The following DLG2 variants were observed in gnomAD, a reference collection of about 807,000 sequenced individuals.
DLG2 encodes the protein discs large MAGUK scaffold protein 2, also known as disks large homolog 2.
A neutral mutation model predicts 132.5 loss-of-function variants in DLG2; 45 were observed. The ratio of observed to expected loss-of-function variants is 0.34; its 90% CI spans 0.27 to 0.44. The LOEUF is 0.44. Ranked by LOEUF, DLG2 falls within the 20% of genes least tolerant of loss-of-function variation. The probability of loss-of-function intolerance (pLI) is 1.00; values close to 1 mark genes in which losing one functional copy is unlikely to be tolerated. For missense variants in DLG2, 1,045 were observed against 1,196.9 expected (o/e 0.87, Z 1.87); for synonymous variants, 424 against 419.6 (o/e 1.01, Z -0.13).
chr11:85,106,104 G>A (rs1489902735), intron 6 of DLG2, among the ~76,000 whole-genome samples: 1 of 151,906 alleles, frequency 6.6e-6, no homozygotes, highest in Non-Finnish European at 1.5e-5. Context: ...GGCAGTCTGG[G>A]AGAGCATGCT....
intron 14 of DLG2, among the ~76,000 whole-genome samples, chr11:83,951,687 G>A (rs1055191812): frequency 1.3e-5 from 2 of 152,166 alleles, no homozygotes; most frequent in African/African-American, 4.8e-5. Context: ...AGGGAGTGGT[G>A]GGGGATGAGG....
intron 6 of DLG2, among the ~76,000 whole-genome samples, chr11:84,904,094 TCA>T (rs1361846829): frequency 6.6e-6 from 1 of 152,116 alleles, no homozygotes; most frequent in African/African-American, 2.4e-5. Flanking sequence ...ACAAAAGTAC[TCA>T]GTTTTAACAA....
intron 6 of DLG2, among the ~76,000 whole-genome samples, chr11:84,616,253 A>C (rs558023457): frequency 6.6e-6 from 1 of 152,216 alleles, no homozygotes; most frequent in South Asian, 2.1e-4. Flanking sequence ...TTGTAGTTAC[A>C]GATAACCTAA....
At chr11:83,769,611 T>A (rs889441463) in intron 18 of DLG2, among the ~76,000 whole-genome samples, 1 of 150,324 alleles carries the variant, frequency 6.7e-6, no homozygotes. Flanking sequence ...TCGCCCAGGC[T>A]GGAGTGCAAT....
At chr11:84,667,663 A>T (rs1346556086) in intron 6 of DLG2, among the ~76,000 whole-genome samples, 2 of 151,278 alleles carry the variant, frequency 1.3e-5, no homozygotes, top group African/African-American at 4.9e-5. Context: ...CGCCTAGCTA[A>T]TTTTTTTGTA....
chr11:85,147,612 A>T (rs946183921), intron 5 of DLG2, among the ~76,000 whole-genome samples: 4 of 152,218 alleles, frequency 2.6e-5, no homozygotes, highest in African/African-American at 9.7e-5. Flanking sequence ...TATGCATAAT[A>T]TCATTAAGTA....
At chr11:84,434,667 T>G (rs2098995122) in intron 7 of DLG2, among the ~76,000 whole-genome samples, 1 of 152,130 alleles carries the variant, frequency 6.6e-6, no homozygotes, top group Non-Finnish European at 1.5e-5. Context: ...GTGAGCATTA[T>G]GATGGTCATT....
At position 85,519,550 on chromosome 11, in the gene DLG2, A is replaced by G. The variant is rs914476060; in HGVS notation, c.40+79107T>C. On this transcript the variant is annotated intron_variant, in intron 3 of 27. Transcript: ENST00000376104. ...GTAACTAGCTTGCTTTTGATTTTAC[A>G]TACTCATAGGCAGAAGGGACTTGCC... 4.5e-4 allele frequency among the ~76,000 whole-genome samples: 68 copies of G among 152,298 alleles called. 1 individual carries two copies. Among genetic ancestry groups the G allele is most frequent in the African/African-American group, 1.6e-3 (67 of 41,578 alleles).
intron 19 of DLG2, among the ~76,000 whole-genome samples, chr11:83,557,963 C>CAGTT (rs1031599818): frequency 6.6e-6 from 1 of 152,082 alleles, no homozygotes; most frequent in African/African-American, 2.4e-5. Flanking sequence ...TTTATTTAAT[C>CAGTT]AGTTAGAGAA....
intron 9 of DLG2, among the ~76,000 whole-genome samples, chr11:84,141,375 T>C (rs1596007733): frequency 6.6e-6 from 1 of 151,926 alleles, no homozygotes; most frequent in Non-Finnish European, 1.5e-5. Flanking sequence ...AATGAAAATG[T>C]ATAGACATAT....
intron 2 of DLG2, among the ~76,000 whole-genome samples, chr11:85,604,715 A>G (rs1565748963): frequency 6.6e-6 from 1 of 152,182 alleles, no homozygotes; most frequent in Non-Finnish European, 1.5e-5. Context: ...TTTTTAAAAT[A>G]AGAAATTTTT....
rs542719235 is a variant in DLG2, at chr11:84,681,760, C to T, written c.358-147029G>A. Among the ~76,000 whole-genome samples, 104 of 151,964 alleles carry T rather than the reference C, an allele frequency of 6.8e-4. 1 individual carries two copies. The Middle Eastern group carries it at 0.01, about 15-fold the overall frequency. On this transcript the variant is annotated intron_variant, in intron 6 of 27. Coordinates refer to ENST00000376104, the MANE Select transcript of DLG2 (RefSeq NM_001142699.3). ...AGTCACGCCCCTGCTGAGATTCAGA[C>T]TCAGTGATTGTTGCTGCTCACTTGC...
intron 7 of DLG2, among the ~76,000 whole-genome samples, chr11:84,311,837 A>G (rs1347174976): frequency 6.6e-6 from 1 of 152,192 alleles, no homozygotes; most frequent in African/African-American, 2.4e-5. Flanking sequence ...AACTGTGTGC[A>G]CAGGCACCAA....
intron 5 of DLG2, among the ~76,000 whole-genome samples, chr11:85,147,998 G>C (rs1453424860): frequency 2.0e-5 from 3 of 151,932 alleles, no homozygotes; most frequent in South Asian, 4.2e-4. Context: ...ATGAGAACTT[G>C]TGTTGTTTGG....
At chr11:85,514,588 A>G (rs1237667473) in intron 3 of DLG2, among the ~76,000 whole-genome samples, 1 of 151,950 alleles carries the variant, frequency 6.6e-6, no homozygotes, top group Non-Finnish European at 1.5e-5. Flanking sequence ...ACAGATTCTT[A>G]TAGCACTTTT....
chr11:85,618,199 A>T (rs996796521), intron 2 of DLG2, among the ~76,000 whole-genome samples: 2 of 152,182 alleles, frequency 1.3e-5, no homozygotes, highest in Non-Finnish European at 2.9e-5. Flanking sequence ...GGATATAGAA[A>T]TACTTGTGTC....
chr11:84,360,193 T>C (rs550072073), intron 7 of DLG2, among the ~76,000 whole-genome samples: 2 of 151,954 alleles, frequency 1.3e-5, no homozygotes, highest in South Asian at 2.1e-4. Context: ...AAATGCCTTA[T>C]AGCCACATTA....
chr11:85,233,957 G>T (rs1455030232), intron 4 of DLG2, among the ~76,000 whole-genome samples: 1 of 151,758 alleles, frequency 6.6e-6, no homozygotes, highest in Non-Finnish European at 1.5e-5. Flanking sequence ...GTGCAGAGAG[G>T]TTACAATTAT....
At chr11:84,867,101 C>A (rs2084684932) in intron 6 of DLG2, among the ~76,000 whole-genome samples, 1 of 152,198 alleles carries the variant, frequency 6.6e-6, no homozygotes, top group Non-Finnish European at 1.5e-5. Flanking sequence ...TTGTCAGACA[C>A]CTTGTTTCTA....
Sources: allele counts gnomAD v4.1 joint callset (sites outside exome capture counted in the v4.1 genomes callset), GRCh38; gene constraint gnomAD v4.1.1; transcripts MANE v1.5; gene names NCBI Gene and HGNC (gene_info 2026-07-23, HGNC 2026-07-21).